The following PRKN variants were observed in gnomAD, a reference collection of about 807,000 sequenced individuals.
PRKN encodes E3 ubiquitin-protein ligase parkin.
Under a neutral mutation model 59.5 loss-of-function variants are expected in PRKN, and 56 were observed. That is an observed-to-expected ratio of 0.94 (90% CI 0.76 to 1.18). The LOEUF is 1.18. Ranked by LOEUF, PRKN falls within the 50% of genes most tolerant of loss-of-function variation. The pLI, the probability that PRKN is intolerant of heterozygous loss-of-function variation, is 0.00. For synonymous variants in PRKN, 250 were observed against 222.1 expected (o/e 1.13, Z -1.12); for missense variants, 657 against 596.4 (o/e 1.10, Z -1.06).
rs775937661 is a variant in PRKN, at chr6:161,570,152, T to A, written c.872-736A>T. ...AAAAAAAAAAAAAAAAAAAAATATATATATATATATATATATGCACACATA... is the reference window on the plus strand; with the variant it reads ...AAAAAAAAAAAAAAAAAAAAATATAAATATATATATATATATGCACACATA... On this transcript the variant is annotated intron_variant, in intron 7 of 11. Transcript: ENST00000366898. 5.1e-3 allele frequency among the ~76,000 whole-genome samples: 632 copies of A among 124,300 alleles called. 1 individual carries two copies. The highest frequency in any genetic ancestry group is 8.8e-3 in the African/African-American group (272 of 30,980). 81.5% of individuals were successfully genotyped at this position (124,300 alleles called of 152,430 possible). A position where few individuals can be genotyped will look rare whatever the true frequency, so the allele number is the denominator to read the frequency against.
chr6:162,174,868 A>C (rs1295126323), intron 4 of PRKN, among the ~76,000 whole-genome samples: 1 of 152,224 alleles, frequency 6.6e-6, no homozygotes, highest in Non-Finnish European at 1.5e-5. Context: ...ACTTGAAGTT[A>C]AATCAAAGGA....
chr6:161,449,509 G>A (rs1212342807), intron 9 of PRKN, among the ~76,000 whole-genome samples: 1 of 152,138 alleles, frequency 6.6e-6, no homozygotes, highest in African/African-American at 2.4e-5. Context: ...ATGTCTCCCA[G>A]TGTTTGACAA....
chr6:162,040,114 T>C (rs1186025331), intron 5 of PRKN, among the ~76,000 whole-genome samples: 1 of 152,196 alleles, frequency 6.6e-6, no homozygotes, highest in East Asian at 1.9e-4. Flanking sequence ...TGGTTGTCGA[T>C]GCAAAGACTC....
chr6:162,581,125 A>C (rs1273950139), intron 1 of PRKN, among the ~76,000 whole-genome samples: 1 of 152,122 alleles, frequency 6.6e-6, no homozygotes, highest in East Asian at 1.9e-4. Flanking sequence ...AAAAAGATTA[A>C]ACGTATTAAA....
chr6:162,446,226 T>C (rs1790311637), intron 1 of PRKN, among the ~76,000 whole-genome samples: 1 of 152,178 alleles, frequency 6.6e-6, no homozygotes, highest in Non-Finnish European at 1.5e-5. Context: ...TTAGGGGCTA[T>C]AGGGACAAAA....
chr6:161,485,436 C>T (rs1353775664), intron 9 of PRKN, among the ~76,000 whole-genome samples: 1 of 152,146 alleles, frequency 6.6e-6, no homozygotes, highest in Non-Finnish European at 1.5e-5. Context: ...AACACTCAGA[C>T]AGGGCTGATT....
chr6:162,118,215 T>C (rs1037154200), intron 4 of PRKN, among the ~76,000 whole-genome samples: 1 of 151,812 alleles, frequency 6.6e-6, no homozygotes, highest in African/African-American at 2.4e-5. Context: ...ATCAAGACCA[T>C]CCTGGCTAAC....
intron 2 of PRKN, among the ~76,000 whole-genome samples, chr6:162,359,156 C>T (rs1785021724): frequency 6.6e-6 from 1 of 150,510 alleles, no homozygotes; most frequent in African/African-American, 2.5e-5. Flanking sequence ...TCCCAATTCC[C>T]CAGCCCATCA....
chr6:162,232,503 C>T (rs1352440727), intron 3 of PRKN, among the ~76,000 whole-genome samples: 1 of 152,188 alleles, frequency 6.6e-6, no homozygotes, highest in Non-Finnish European at 1.5e-5. Flanking sequence ...CCCTTTTCCT[C>T]AGAAGTGGTG....
intron 9 of PRKN, among the ~76,000 whole-genome samples, chr6:161,501,156 G>T (rs1297465564): frequency 6.6e-6 from 1 of 152,178 alleles, no homozygotes; most frequent in Non-Finnish European, 1.5e-5. Context: ...ACAGGCAAGA[G>T]CCATTGTGCC....
chr6:162,498,909 A>C (rs369681618), intron 1 of PRKN, among the ~76,000 whole-genome samples: 20 of 152,262 alleles, frequency 1.3e-4, no homozygotes, highest in Admixed American at 4.6e-4. Context: ...ATCATTGTCT[A>C]GGTATGACTG....
intron 1 of PRKN, among the ~76,000 whole-genome samples, chr6:162,502,308 G>C (rs1793412345): frequency 6.6e-6 from 1 of 152,118 alleles, no homozygotes; most frequent in Non-Finnish European, 1.5e-5. Flanking sequence ...CCAGAGGTGT[G>C]CACCACCACA....
At position 162,235,275 on chromosome 6, in the gene PRKN, G is replaced by T. The variant is rs775367950; in HGVS notation, c.412+27250C>A. Among the ~76,000 whole-genome samples the T allele has an allele frequency of 2.0e-5, 3 of 152,084 alleles. 1 individual carries two copies. The highest frequency in any genetic ancestry group is 2.9e-5 in the Non-Finnish European group (2 of 68,014). On this transcript the variant is annotated intron_variant, in intron 3 of 11. Transcript: ENST00000366898. ...TTTCCAGTTGTGTAATAATTACATT[G>T]CCTTATTGTTTTTTAGCCAGGTAAT...
chr6:161,733,798 GTATA>G (rs10597402), intron 7 of PRKN, among the ~76,000 whole-genome samples: 3,248 of 122,346 alleles, frequency 0.027, 112 homozygotes, highest in Admixed American at 0.074. Context: ...ATATATATAT[GTATA>G]TATATATATA....
chr6:162,535,863 G>A (rs889848219), intron 1 of PRKN, among the ~76,000 whole-genome samples: 3 of 149,422 alleles, frequency 2.0e-5, no homozygotes, highest in Non-Finnish European at 3.0e-5. Flanking sequence ...AACCAAGATC[G>A]CACCACTGCA....
chr6:162,403,794 G>A (rs1253167293), intron 2 of PRKN, among the ~76,000 whole-genome samples: 3 of 152,274 alleles, frequency 2.0e-5, no homozygotes, highest in Non-Finnish European at 4.4e-5. Context: ...CATGGGCGGG[G>A]AAATCATGGA....
chr6:162,206,986 C>G (rs953772416), intron 3 of PRKN, among the ~76,000 whole-genome samples: 1 of 152,144 alleles, frequency 6.6e-6, no homozygotes, highest in Non-Finnish European at 1.5e-5. Flanking sequence ...CCAATATGTA[C>G]AGAAATAGTC....
intron 7 of PRKN, among the ~76,000 whole-genome samples, chr6:161,722,765 T>C (rs1787279168): frequency 2.0e-5 from 3 of 152,254 alleles, no homozygotes; most frequent in South Asian, 4.1e-4. Flanking sequence ...TTAATTTGTC[T>C]ATGCCTCTTA....
At chr6:162,530,628 G>A (rs557585021) in intron 1 of PRKN, among the ~76,000 whole-genome samples, 31 of 152,288 alleles carry the variant, frequency 2.0e-4, no homozygotes, top group Non-Finnish European at 3.5e-4. Context: ...AGAATGCAGT[G>A]AGAAAAGCAC....
Sources: gnomAD v4.1 joint callset for allele counts (sites outside exome capture counted in the v4.1 genomes callset) on GRCh38, gnomAD v4.1.1 for gene constraint, MANE v1.5 for transcripts, NCBI Gene and HGNC (gene_info 2026-07-23, HGNC 2026-07-21) for gene names.